TBC1D19: variants seen among roughly 807,000 people sequenced by gnomAD.
The protein encoded by TBC1D19 is TBC1 domain family member 19, also known as TBC1 domain family, member 19.
In TBC1D19, 60 loss-of-function variants were observed where a neutral mutation model predicts 89.0. The observed-to-expected ratio is 0.67, with a 90% CI of 0.55 to 0.84. The LOEUF (loss-of-function observed/expected upper bound fraction) is 0.84. Among genes scored for constraint, TBC1D19 ranks in the 40% least tolerant of loss-of-function variants. The probability of loss-of-function intolerance (pLI) is 0.00; values close to 1 mark genes in which losing one functional copy is unlikely to be tolerated. For synonymous variants in TBC1D19, 189 were observed against 199.7 expected (o/e 0.95, Z 0.45); for missense variants, 500 against 610.8 (o/e 0.82, Z 1.91).
At chr4:26,633,242 A>C (rs1742908266) in intron 4 of TBC1D19, among the ~76,000 whole-genome samples, 1 of 152,104 alleles carries the variant, frequency 6.6e-6, no homozygotes, top group Non-Finnish European at 1.5e-5. Context: ...TAGCATTGGC[A>C]AATCTTTTCC....
At chr4:26,822,151 G>A in the TBC1D19 span, among the ~76,000 whole-genome samples, 1 of 152,234 alleles carries the variant, frequency 6.6e-6, no homozygotes, top group Non-Finnish European at 1.5e-5. Context: ...TAAGCTGTCA[G>A]TCGCTGGGGT....
At chr4:26,766,649 T>A in the TBC1D19 span, among the ~76,000 whole-genome samples, 1 of 152,158 alleles carries the variant, frequency 6.6e-6, no homozygotes, top group Non-Finnish European at 1.5e-5. Context: ...GTCACTACTG[T>A]TGCAAACAAA....
chr4:26,717,551 A>G (rs1390507695), intron 13 of TBC1D19, among the ~76,000 whole-genome samples: 1 of 152,054 alleles, frequency 6.6e-6, no homozygotes, highest in East Asian at 1.9e-4. Flanking sequence ...GCATCCCAGT[A>G]TGAGTCAAGT....
In TBC1D19 at chr4:26,735,482, T is replaced by C. The variant is rs751592628; in HGVS notation, c.1112T>C (p.Met371Thr). 69 of 1,563,708 alleles carry C rather than the reference T, an allele frequency of 4.4e-5. No homozygotes were observed. The highest frequency in any genetic ancestry group is 5.3e-5 in the Non-Finnish European group (61 of 1,150,552). ...NGVIPFHGFS[M>T]YVAPLCFLYH... ...GTTATCCCTTTTCATGGATTTTCAA[T>C]GTATGGTAAGTTGGGCTTTAAAAAC... The change falls in exon 16 of 21, where the codon ATG becomes ACG. Residue 371 changes from methionine (M) to threonine (T), a missense_variant. Physicochemically the swap from Met to Thr is moderately conservative, Grantham distance 81. Around this residue, in one of 2 missense-constraint regions of TBC1D19, gnomAD observed 220 missense variants for 319.1 expected, o/e 0.69. Transcript: ENST00000264866.
At chr4:26,823,841 A>C in the TBC1D19 span, among the ~76,000 whole-genome samples, 2 of 152,216 alleles carry the variant, frequency 1.3e-5, no homozygotes, top group African/African-American at 4.8e-5. Flanking sequence ...GCTTGTCGTC[A>C]GTGTATTTTT....
At chr4:26,579,373 G>A (rs1157030645), upstream of TBC1D19, among the ~76,000 whole-genome samples, 1 of 152,132 alleles carries the variant, frequency 6.6e-6, no homozygotes. Context: ...ATGTGACAAA[G>A]CTTCAGGCAG....
At chr4:26,851,005 A>G in the TBC1D19 span, among the ~76,000 whole-genome samples, 2 of 152,150 alleles carry the variant, frequency 1.3e-5, no homozygotes, top group Non-Finnish European at 2.9e-5. Flanking sequence ...AGGGAAGGAA[A>G]GGGCAAATTC....
At chr4:26,601,423 G>C (rs1740599143) in intron 1 of TBC1D19, among the ~76,000 whole-genome samples, 1 of 152,082 alleles carries the variant, frequency 6.6e-6, no homozygotes, top group Non-Finnish European at 1.5e-5. Flanking sequence ...CTTCCTATGT[G>C]CCAGTTACTG....
chr4:26,836,513 C>A, the TBC1D19 span, among the ~76,000 whole-genome samples: 2 of 152,120 alleles, frequency 1.3e-5, no homozygotes, highest in Non-Finnish European at 2.9e-5. Context: ...TGTCCTGCAC[C>A]CCCAGCTGCC....
the TBC1D19 span, among the ~76,000 whole-genome samples, chr4:26,806,949 G>T: frequency 6.6e-6 from 1 of 152,208 alleles, no homozygotes; most frequent in African/African-American, 2.4e-5. Context: ...TCCTGCAACC[G>T]TGAGGGAATA....
chr4:26,773,120 A>C, the TBC1D19 span, among the ~76,000 whole-genome samples: 2 of 152,276 alleles, frequency 1.3e-5, no homozygotes, highest in East Asian at 3.9e-4. Flanking sequence ...CAACCTCACC[A>C]GCATCAGTTG....
chr4:26,811,812 G>A, the TBC1D19 span, among the ~76,000 whole-genome samples: 2 of 152,188 alleles, frequency 1.3e-5, no homozygotes, highest in African/African-American at 2.4e-5. Flanking sequence ...ACTGGTGGGC[G>A]TGTAGCAGTG....
At chr4:26,832,121 C>T in the TBC1D19 span, among the ~76,000 whole-genome samples, 1 of 152,198 alleles carries the variant, frequency 6.6e-6, no homozygotes, top group Non-Finnish European at 1.5e-5. Context: ...AAATCAAGAA[C>T]TCCACATGCC....
intron 17 of TBC1D19, among the ~76,000 whole-genome samples, chr4:26,741,362 CAAAAAAAAAAA>C (rs34342483): frequency 5.4e-5 from 4 of 73,680 alleles, no homozygotes; most frequent in Admixed American, 1.6e-4. Flanking sequence ...GACTCTGTCT[CAAAAAAAAAAA>C]AAAAAAAAAA....
the TBC1D19 span, among the ~76,000 whole-genome samples, chr4:26,825,340 G>A: frequency 2.0e-5 from 3 of 152,138 alleles, no homozygotes; most frequent in East Asian, 1.9e-4. Context: ...CTCATGATCC[G>A]CCTGCCTTGG....
chr4:26,827,723 T>C, the TBC1D19 span, among the ~76,000 whole-genome samples: 8 of 151,432 alleles, frequency 5.3e-5, no homozygotes, highest in African/African-American at 1.7e-4. Context: ...TTTTGTTTTT[T>C]TTTTTTTGAT....
chr4:26,690,126 C>T (rs1019789865), intron 13 of TBC1D19, among the ~76,000 whole-genome samples: 14 of 152,158 alleles, frequency 9.2e-5, no homozygotes, highest in Non-Finnish European at 1.8e-4. Flanking sequence ...ATCAAACTAG[C>T]CATGACATTC....
intron 11 of TBC1D19, among the ~76,000 whole-genome samples, chr4:26,683,202 T>A (rs1294017485): frequency 6.6e-6 from 1 of 152,194 alleles, no homozygotes; most frequent in East Asian, 1.9e-4. Context: ...GTTTTTTGTA[T>A]AGGTTGTGGG....
chr4:26,692,088 C>CT (rs1005931762), intron 13 of TBC1D19, among the ~76,000 whole-genome samples: 1 of 152,086 alleles, frequency 6.6e-6, no homozygotes, highest in Non-Finnish European at 1.5e-5. Flanking sequence ...TCATGACCTG[C>CT]TTTTTGCCTC....
Sources: gnomAD v4.1 joint callset for allele counts (sites outside exome capture counted in the v4.1 genomes callset) on GRCh38, gnomAD v4.1.1 for gene constraint, gnomAD v4.1.1 regional missense constraint, MANE v1.5 for transcripts, NCBI Gene and HGNC (gene_info 2026-07-23, HGNC 2026-07-21) for gene names.